The following CDK8 variants were observed in gnomAD, a reference collection of about 807,000 sequenced individuals.
CDK8 encodes cyclin-dependent kinase 8.
Under a neutral mutation model 71.5 loss-of-function variants are expected in CDK8, and 29 were observed. The ratio of observed to expected loss-of-function variants is 0.41; its 90% confidence interval spans 0.30 to 0.55. CDK8 has a LOEUF of 0.55. CDK8 is among the 20% of genes least tolerant of loss of function. CDK8 has a pLI of 0.37. For synonymous variants in CDK8, 161 were observed against 192.1 expected (o/e 0.84, Z 1.34); for missense variants, 288 against 572.6 (o/e 0.50, Z 5.07).
At chr13:26,262,537 T>C (rs1871817615) in intron 1 of CDK8, among the ~76,000 whole-genome samples, 1 of 152,222 alleles carries the variant, frequency 6.6e-6, no homozygotes, top group Non-Finnish European at 1.5e-5. Flanking sequence ...GGGTTTCCTA[T>C]GTTTTTACCC....
At chr13:26,285,542 A>G (rs1160769610) in intron 1 of CDK8, among the ~76,000 whole-genome samples, 1 of 152,252 alleles carries the variant, frequency 6.6e-6, no homozygotes, top group Non-Finnish European at 1.5e-5. Context: ...ATTATACTGA[A>G]TGAGGAAAAG....
intron 1 of CDK8, among the ~76,000 whole-genome samples, chr13:26,315,100 T>A (rs1874448210): frequency 6.6e-6 from 1 of 152,218 alleles, no homozygotes; most frequent in Non-Finnish European, 1.5e-5. Flanking sequence ...ATCACTGATA[T>A]TTCTCTGCTT....
intron 1 of CDK8, among the ~76,000 whole-genome samples, chr13:26,264,856 A>G (rs576481633): frequency 2.6e-5 from 4 of 152,046 alleles, no homozygotes. Context: ...GGCTTATTTC[A>G]CTTAACATAA....
chr13:26,293,095 C>A (rs1025670322), intron 1 of CDK8, among the ~76,000 whole-genome samples: 1 of 152,144 alleles, frequency 6.6e-6, no homozygotes, highest in Non-Finnish European at 1.5e-5. Flanking sequence ...TTGGGAAATG[C>A]TATTATTTGA....
At chr13:26,371,769 C>A (rs868099133) in intron 4 of CDK8, among the ~76,000 whole-genome samples, 29 of 152,160 alleles carry the variant, frequency 1.9e-4, no homozygotes, top group Admixed American at 5.2e-4. Context: ...GCGTGCACCA[C>A]CATGCCCAGC....
rs181703063 is a variant in CDK8 at position 26,379,611 on chromosome 13, G to A, written c.457-3203G>A. Among the ~76,000 whole-genome samples the A allele has an allele frequency of 6.7e-3, 1,021 of 152,212 alleles. 9 individuals are homozygous for A. Among genetic ancestry groups the A allele is most frequent in the Non-Finnish European group, 0.011 (736 of 67,986 alleles). ...AGAAAGTGTGTTTAAAAAGAGGGAA[G>A]GAGAAAAAAAGATGGTGTGAGAGTG... On this transcript the variant is annotated intron_variant, in intron 4 of 12. Coordinates refer to ENST00000381527, the MANE Select transcript of CDK8 (RefSeq NM_001260.3).
At chr13:26,314,219 A>G (rs1322728356) in intron 1 of CDK8, among the ~76,000 whole-genome samples, 1 of 152,148 alleles carries the variant, frequency 6.6e-6, no homozygotes, top group Non-Finnish European at 1.5e-5. Flanking sequence ...TTCTTTTCCC[A>G]GATTTTATTT....
chr13:26,305,539 C>G (rs1193615936), intron 1 of CDK8, among the ~76,000 whole-genome samples: 3 of 152,100 alleles, frequency 2.0e-5, no homozygotes, highest in Non-Finnish European at 4.4e-5. Flanking sequence ...CTTATACCCC[C>G]TTTCTCTTTC....
intron 12 of CDK8, among the ~76,000 whole-genome samples, chr13:26,403,326 T>C (rs1876350257): frequency 6.6e-6 from 1 of 151,946 alleles, no homozygotes; most frequent in African/African-American, 2.4e-5. Context: ...CTGGGCAACA[T>C]AGCAAGACTC....
intron 1 of CDK8, among the ~76,000 whole-genome samples, chr13:26,286,314 C>T (rs2137893560): frequency 6.6e-6 from 1 of 152,244 alleles, no homozygotes; most frequent in Non-Finnish European, 1.5e-5. Context: ...TAAAAATAGG[C>T]ATGTAGACCA....
At chr13:26,259,612 A>C (rs1871683383) in intron 1 of CDK8, among the ~76,000 whole-genome samples, 1 of 152,174 alleles carries the variant, frequency 6.6e-6, no homozygotes, top group African/African-American at 2.4e-5. Context: ...GGTTGAAGTT[A>C]CCTACCTTAG....
At chr13:26,274,779 T>C (rs1481629279) in intron 1 of CDK8, among the ~76,000 whole-genome samples, 2 of 152,144 alleles carry the variant, frequency 1.3e-5, no homozygotes, top group Non-Finnish European at 2.9e-5. Context: ...TTTATTGGGA[T>C]ATTCATTTTT....
At chr13:26,330,065 T>A (rs1875237426) in intron 1 of CDK8, among the ~76,000 whole-genome samples, 1 of 152,144 alleles carries the variant, frequency 6.6e-6, no homozygotes, top group Admixed American at 6.5e-5. Flanking sequence ...GTGCCCAAAT[T>A]TATGAGTTAC....
chr13:26,319,681 G>A (rs1874675113), intron 1 of CDK8, among the ~76,000 whole-genome samples: 1 of 115,012 alleles, frequency 8.7e-6, no homozygotes, highest in Non-Finnish European at 1.9e-5. Context: ...AAATCCAAAT[G>A]GCTTTTTTTT....
chr13:26,259,190 G>A (rs1211935845), intron 1 of CDK8, among the ~76,000 whole-genome samples: 3 of 152,146 alleles, frequency 2.0e-5, no homozygotes, highest in Non-Finnish European at 4.4e-5. Context: ...ACAATAAAGA[G>A]TATTCCTTAT....
At position 26,254,385 on chromosome 13, in the gene CDK8, TC is replaced by T. The variant is rs957887056; in HGVS notation, c.-254del. On this transcript the variant is annotated 5_prime_UTR_variant, in exon 1 of 13. Coordinates refer to ENST00000381527, the MANE Select transcript of CDK8 (RefSeq NM_001260.3). The surrounding 1 kb of genome is among the most constrained non-coding windows in gnomAD (Gnocchi z 6.7). ...CACCGCTCCCCACCCCCAGCCCTCG[TC>T]CCTCGGCTCTCCTTCGCCGGGGGAT... The T allele has an allele frequency of 4.5e-5, 16 of 353,090 alleles. No individual in the cohort carries two copies. The highest frequency in any genetic ancestry group is 8.4e-5 in the Non-Finnish European group (16 of 189,986). 21.9% of individuals were successfully genotyped at this position (353,090 alleles called of 1,614,324 possible).
intron 1 of CDK8, among the ~76,000 whole-genome samples, chr13:26,261,063 C>T (rs1399116012): frequency 6.6e-6 from 1 of 152,182 alleles, no homozygotes; most frequent in Non-Finnish European, 1.5e-5. Context: ...ATTATCTTTT[C>T]TCTTTAGCAA....
At chr13:26,283,099 A>C (rs547268079) in intron 1 of CDK8, among the ~76,000 whole-genome samples, 1 of 152,354 alleles carries the variant, frequency 6.6e-6, no homozygotes, top group East Asian at 1.9e-4. Context: ...ATGGCAACAC[A>C]ATAATAGTGG....
chr13:26,365,299 C>T (rs1267132540), intron 4 of CDK8, among the ~76,000 whole-genome samples: 4 of 152,060 alleles, frequency 2.6e-5, no homozygotes, highest in Non-Finnish European at 5.9e-5. Flanking sequence ...ACCAGCTGGA[C>T]AGTTTTCCTT....
Sources: gnomAD v4.1 joint callset for allele counts (sites outside exome capture counted in the v4.1 genomes callset) on GRCh38, gnomAD v4.1.1 for gene constraint, Gnocchi (gnomAD v3.1) non-coding constraint, MANE v1.5 for transcripts, NCBI Gene and HGNC (gene_info 2026-07-23, HGNC 2026-07-21) for gene names.